Variants in DPP10 observed in about 807,000 individuals in gnomAD.
DPP10 encodes the protein inactive dipeptidyl peptidase 10.
Under a neutral mutation model 120.9 loss-of-function variants are expected in DPP10, and 33 were observed. The observed-to-expected ratio is 0.27, with a 90% CI of 0.21 to 0.37. DPP10 has a LOEUF of 0.37. Ranked by LOEUF, DPP10 falls within the 10% of genes least tolerant of loss-of-function variation. The pLI is 1.00. For missense variants in DPP10, 816 were observed against 942.8 expected (o/e 0.87, Z 1.76); for synonymous variants, 337 against 326.1 (o/e 1.03, Z -0.36).
At chr2:115,318,605 T>C (rs540368363) in intron 2 of DPP10, among the ~76,000 whole-genome samples, 2 of 152,204 alleles carry the variant, frequency 1.3e-5, no homozygotes, top group East Asian at 3.9e-4. Flanking sequence ...AAAATCAACA[T>C]TTTGTAGTTT....
At chr2:114,798,750 G>A (rs941090755) in intron 1 of DPP10, among the ~76,000 whole-genome samples, 10 of 152,166 alleles carry the variant, frequency 6.6e-5, no homozygotes, top group South Asian at 6.2e-4. Context: ...TGGTCACCTC[G>A]TCGAAATTCA....
chr2:115,550,452 A>C (rs1005399969), intron 5 of DPP10, among the ~76,000 whole-genome samples: 12 of 152,102 alleles, frequency 7.9e-5, no homozygotes, highest in Admixed American at 2.6e-4. Context: ...TGTGCTCAAA[A>C]CCATGTTCAT....
At chr2:115,407,596 G>C (rs1164004059) in intron 3 of DPP10, among the ~76,000 whole-genome samples, 1 of 152,140 alleles carries the variant, frequency 6.6e-6, no homozygotes, top group East Asian at 1.9e-4. Flanking sequence ...AATGAAACAA[G>C]GGGTGGGTGA....
chr2:114,878,527 T>C (rs1310284554), intron 1 of DPP10, among the ~76,000 whole-genome samples: 1 of 152,098 alleles, frequency 6.6e-6, no homozygotes, highest in African/African-American at 2.4e-5. Context: ...AAAACTTATT[T>C]CTTCAGTCTA....
intron 3 of DPP10, among the ~76,000 whole-genome samples, chr2:115,409,418 A>C (rs916202090): frequency 2.6e-5 from 4 of 152,236 alleles, no homozygotes; most frequent in African/African-American, 9.6e-5. Flanking sequence ...AAATTGCCCA[A>C]CATCACTAAT....
chr2:114,581,234 G>C (rs1365021923), intron 1 of DPP10, among the ~76,000 whole-genome samples: 1 of 128,780 alleles, frequency 7.8e-6, no homozygotes, highest in East Asian at 2.4e-4. Context: ...AGGCTGGATG[G>C]AGTGCAGTGG....
chr2:114,650,037 A>G (rs1309135488), intron 1 of DPP10, among the ~76,000 whole-genome samples: 2 of 152,246 alleles, frequency 1.3e-5, no homozygotes, highest in African/African-American at 4.8e-5. Flanking sequence ...GCCATGTTAT[A>G]CATTTTATTT....
At chr2:115,086,515 G>GGCGCCATCTCGGCTCACTGCAAGCT (rs1708715671) in intron 1 of DPP10, among the ~76,000 whole-genome samples, 1 of 148,796 alleles carries the variant, frequency 6.7e-6, no homozygotes, top group African/African-American at 2.5e-5. Context: ...GGAGTGTAGT[G>GGCGCCATCTCGGCTCACTGCAAGCT]GCGCCATCTC....
At position 115,633,990 on chromosome 2, in the gene DPP10, C is replaced by CT. The variant is rs563157065; in HGVS notation, c.442-55688dup. Among the ~76,000 whole-genome samples the CT allele has an allele frequency of 1.7e-4, 26 of 151,520 alleles. No homozygotes were observed. In the South Asian group the frequency reaches 1.9e-3, roughly 11 times the overall value. ...GAGGTTTTGTTCATTCCTTTTCATT[C>CT]TTTTTTTTTCCTAATCTTCTCTTCC... On this transcript the variant is annotated intron_variant, in intron 5 of 25. Coordinates refer to ENST00000410059, the MANE Select transcript of DPP10 (RefSeq NM_020868.6).
At chr2:115,823,998 G>T (rs1688060732) in intron 21 of DPP10, among the ~76,000 whole-genome samples, 1 of 152,058 alleles carries the variant, frequency 6.6e-6, no homozygotes, top group Non-Finnish European at 1.5e-5. Context: ...TCCAGGTTCT[G>T]CTTTTTCTCC....
At chr2:114,627,253 G>A (rs954017635) in intron 1 of DPP10, among the ~76,000 whole-genome samples, 1 of 152,116 alleles carries the variant, frequency 6.6e-6, no homozygotes, top group African/African-American at 2.4e-5. Flanking sequence ...AGAACAGATG[G>A]AATCCCACAG....
chr2:115,270,113 CAGACACACACACAA>C (rs796616951), intron 1 of DPP10, among the ~76,000 whole-genome samples: 166 of 128,228 alleles, frequency 1.3e-3, no homozygotes, highest in African/African-American at 4.6e-3. Flanking sequence ...CACACACACA[CAGACACACACACAA>C]ACACTTATTT....
chr2:115,004,803 C>A (rs1194275477), intron 1 of DPP10, among the ~76,000 whole-genome samples: 1 of 152,188 alleles, frequency 6.6e-6, no homozygotes, highest in East Asian at 1.9e-4. Flanking sequence ...GGGCGCCCAC[C>A]ATTGCCCAGG....
chr2:114,651,432 A>G (rs1190093230), intron 1 of DPP10, among the ~76,000 whole-genome samples: 3 of 152,020 alleles, frequency 2.0e-5, no homozygotes, highest in African/African-American at 4.8e-5. Context: ...TGACCTGGAG[A>G]CCTTGCTAAA....
Position 115,707,989 on chromosome 2 carries a change from G to A in DPP10, c.576+18068G>A, listed in dbSNP as rs370167019. ...AAAGTAAAGAAAAAGGTGGCAAATT[G>A]TTATATATATGGATATAGATATAGA... On this transcript the variant is annotated intron_variant, in intron 7 of 25. Transcript: ENST00000410059. Among the ~76,000 whole-genome samples, 57 of 151,972 alleles carry A rather than the reference G, an allele frequency of 3.8e-4. No individual in the cohort carries two copies. In the East Asian group the frequency reaches 8.9e-3, roughly 24 times the overall value.
At chr2:115,776,226 C>T (rs938409427) in intron 13 of DPP10, among the ~76,000 whole-genome samples, 8 of 151,956 alleles carry the variant, frequency 5.3e-5, no homozygotes, top group African/African-American at 1.2e-4. Context: ...TAGGTATACA[C>T]GTGCCATGGT....
At chr2:115,164,828 C>T (rs565032703) in intron 1 of DPP10, among the ~76,000 whole-genome samples, 1 of 152,304 alleles carries the variant, frequency 6.6e-6, no homozygotes, top group Non-Finnish European at 1.5e-5. Flanking sequence ...GACATGCCCT[C>T]CCTCCCTAGA....
intron 3 of DPP10, among the ~76,000 whole-genome samples, chr2:115,454,460 A>G (rs1357408497): frequency 2.0e-5 from 3 of 151,908 alleles, no homozygotes; most frequent in South Asian, 4.1e-4. Flanking sequence ...AATACATTAT[A>G]TTAACAGAAT....
intron 1 of DPP10, among the ~76,000 whole-genome samples, chr2:115,219,156 G>C (rs780464325): frequency 6.6e-6 from 1 of 152,030 alleles, no homozygotes; most frequent in Non-Finnish European, 1.5e-5. Flanking sequence ...AGTGAAAATA[G>C]GTTTTAATTT....
Sources: allele counts gnomAD v4.1 joint callset (sites outside exome capture counted in the v4.1 genomes callset), GRCh38; gene constraint gnomAD v4.1.1; transcripts MANE v1.5; gene names NCBI Gene and HGNC (gene_info 2026-07-23, HGNC 2026-07-21).